The following EEIG1 variants were observed in gnomAD, a reference collection of about 807,000 sequenced individuals.
EEIG1 encodes the protein early estrogen-induced gene 1 protein.
At chr9:127,953,282 G>A in the EEIG1 span, 530 of 481,418 alleles carry the variant, frequency 1.1e-3, no homozygotes, top group East Asian at 0.017. Context: ...GTCTGGAAAG[G>A]TCTTAATCTA....
At chr9:127,943,058 G>T in the EEIG1 span, 1 of 784,038 alleles carries the variant, frequency 1.3e-6, no homozygotes, top group Non-Finnish European at 2.2e-6. Flanking sequence ...CGGGGAGTGT[G>T]GACTGGAGTG....
At chr9:127,950,444 G>T in the EEIG1 span, 2 of 1,613,946 alleles carry the variant, frequency 1.2e-6, no homozygotes, top group Admixed American at 1.7e-5. Flanking sequence ...AGTTGTCCTG[G>T]CGAGTGTTCT....
At chr9:127,969,566 T>G in the EEIG1 span, among the ~76,000 whole-genome samples, 13 of 151,994 alleles carry the variant, frequency 8.6e-5, no homozygotes, top group African/African-American at 3.1e-4. Context: ...ATTTCACAGA[T>G]GAGGAAAGCA....
chr9:127,953,825 A>G, the EEIG1 span: 1 of 1,614,004 alleles, frequency 6.2e-7, no homozygotes, highest in South Asian at 1.1e-5. Flanking sequence ...GACACACGGA[A>G]GACACAGGGG....
At chr9:127,970,952 G>A in the EEIG1 span, among the ~76,000 whole-genome samples, 1 of 152,248 alleles carries the variant, frequency 6.6e-6, no homozygotes, top group Admixed American at 6.5e-5. Flanking sequence ...GGGCCCTGCA[G>A]GGGTGGGGGC....
At chr9:127,944,545 G>C in the EEIG1 span, 1 of 1,130,166 alleles carries the variant, frequency 8.8e-7, no homozygotes, top group Non-Finnish European at 1.3e-6. Context: ...CAGGTGAGTG[G>C]ACTGTGGGGA....
At chr9:127,945,090 G>A in the EEIG1 span, among the ~76,000 whole-genome samples, 3 of 152,274 alleles carry the variant, frequency 2.0e-5, no homozygotes, top group East Asian at 5.8e-4. This position sits in a 1 kb window ranked among gnomAD's most constrained non-coding sequence, Gnocchi z 6.5. Flanking sequence ...TTATAGACGA[G>A]GATGCCAGGC....
At chr9:127,947,919 G>A in the EEIG1 span, 493 of 868,042 alleles carry the variant, frequency 5.7e-4, 1 homozygote, top group African/African-American at 7.0e-3. Flanking sequence ...CGCACAAGGT[G>A]ATCAGGTCTC....
chr9:127,970,525 T>C, the EEIG1 span, among the ~76,000 whole-genome samples: 3 of 152,210 alleles, frequency 2.0e-5, no homozygotes, highest in African/African-American at 7.2e-5. Context: ...CTGCACAGTA[T>C]GCCTCGGGTT....
At chr9:127,961,027 G>C in the EEIG1 span, among the ~76,000 whole-genome samples, 5 of 152,062 alleles carry the variant, frequency 3.3e-5, no homozygotes, top group African/African-American at 1.2e-4. Flanking sequence ...GGCCTACTGT[G>C]TGCGGCCCAG....
the EEIG1 span, chr9:127,979,913 G>C: frequency 6.7e-7 from 1 of 1,495,292 alleles, no homozygotes; most frequent in South Asian, 1.3e-5. Flanking sequence ...CGGCCCCAAG[G>C]GGCCCTTCCA....
chr9:127,953,392 C>A, the EEIG1 span: 2 of 615,760 alleles, frequency 3.2e-6, no homozygotes, highest in East Asian at 5.5e-5. Flanking sequence ...ATTGCAACAA[C>A]CATATGCTGC....
the EEIG1 span, among the ~76,000 whole-genome samples, chr9:127,949,497 G>T: frequency 6.6e-6 from 1 of 152,134 alleles, no homozygotes; most frequent in South Asian, 2.1e-4. Flanking sequence ...TGAACCCAAG[G>T]CTACCTGGCC....
the EEIG1 span, among the ~76,000 whole-genome samples, chr9:127,965,035 G>T: frequency 6.8e-6 from 1 of 147,166 alleles, no homozygotes; most frequent in African/African-American, 2.5e-5. Context: ...CTTGAACCCG[G>T]GAGGCGGAGG....
chr9:127,966,563 C>T, the EEIG1 span, among the ~76,000 whole-genome samples: 1 of 152,210 alleles, frequency 6.6e-6, no homozygotes, highest in African/African-American at 2.4e-5. Flanking sequence ...ATGCCTTGAG[C>T]TACTGCCCAG....
At chr9:127,979,844 C>T in the EEIG1 span, 1 of 939,276 alleles carries the variant, frequency 1.1e-6, no homozygotes, top group Non-Finnish European at 1.5e-6. Context: ...GCCTCAGGCC[C>T]AGTCCTGCCT....
At chr9:127,952,602 C>T in the EEIG1 span, among the ~76,000 whole-genome samples, 3 of 152,350 alleles carry the variant, frequency 2.0e-5, no homozygotes, top group African/African-American at 7.2e-5. Flanking sequence ...AGTCAACCAT[C>T]GCCAGCCATG....
At chr9:127,959,128 A>G in the EEIG1 span, among the ~76,000 whole-genome samples, 10 of 152,254 alleles carry the variant, frequency 6.6e-5, no homozygotes, top group Non-Finnish European at 1.2e-4. Context: ...GAGTTATGAT[A>G]TGACCCAGCA....
the EEIG1 span, among the ~76,000 whole-genome samples, chr9:127,975,618 C>T: frequency 1.3e-5 from 2 of 152,110 alleles, no homozygotes; most frequent in Non-Finnish European, 2.9e-5. Context: ...ACTTCTCTGC[C>T]GCAGGCCTCA....
Sources: gnomAD v4.1 joint callset for allele counts (sites outside exome capture counted in the v4.1 genomes callset) on GRCh38, gnomAD v4.1.1 for gene constraint, Gnocchi (gnomAD v3.1) non-coding constraint, MANE v1.5 for transcripts, NCBI Gene and HGNC (gene_info 2026-07-23, HGNC 2026-07-21) for gene names.